Variants in KCNB2 observed in about 807,000 individuals in gnomAD.
The protein encoded by KCNB2 is delayed rectifier potassium channel protein.
In KCNB2, 15 loss-of-function variants were observed where a neutral mutation model predicts 61.5. The observed-to-expected ratio is 0.24, with a 90% CI of 0.16 to 0.38. KCNB2 has a LOEUF of 0.38. Among genes scored for constraint, KCNB2 ranks in the 10% least tolerant of loss-of-function variants. KCNB2 has a pLI of 1.00. For synonymous variants in KCNB2, 457 were observed against 446.0 expected (o/e 1.02, Z -0.31); for missense variants, 828 against 1,125.2 (o/e 0.74, Z 3.78).
chr8:72,560,782 CAATATT>C (rs1428371539), intron 1 of KCNB2, among the ~76,000 whole-genome samples: 3 of 152,004 alleles, frequency 2.0e-5, no homozygotes, highest in African/African-American at 7.3e-5. Flanking sequence ...CTTTATAATT[CAATATT>C]ATATTTTTCA....
chr8:72,721,974 C>T (rs932410398), intron 2 of KCNB2, among the ~76,000 whole-genome samples: 1 of 152,192 alleles, frequency 6.6e-6, no homozygotes, highest in Non-Finnish European at 1.5e-5. Flanking sequence ...AGAGTCCGTG[C>T]TTGATCCATT....
chr8:72,627,019 A>T (rs555704368), intron 2 of KCNB2, among the ~76,000 whole-genome samples: 40 of 152,322 alleles, frequency 2.6e-4, no homozygotes, highest in African/African-American at 8.9e-4. Flanking sequence ...GTTAATATTT[A>T]TCAAATATTT....
intron 2 of KCNB2, among the ~76,000 whole-genome samples, chr8:72,614,763 C>T (rs1387314): frequency 0.21 from 32,359 of 152,084 alleles, 3,989 homozygotes; most frequent in East Asian, 0.51. Context: ...TCTTATTTCA[C>T]TTCTTAAATA....
chr8:72,704,377 C>A (rs1012281904), intron 2 of KCNB2, among the ~76,000 whole-genome samples: 1 of 152,014 alleles, frequency 6.6e-6, no homozygotes, highest in Non-Finnish European at 1.5e-5. Flanking sequence ...AAGTAACTTG[C>A]CCAAAATCAA....
chr8:72,794,523 C>T (rs1808997027), intron 2 of KCNB2, among the ~76,000 whole-genome samples: 1 of 147,126 alleles, frequency 6.8e-6, no homozygotes. Flanking sequence ...TGAGATCGCG[C>T]CACTGCACTC....
chr8:72,593,446 G>GACA (rs1807132156), intron 2 of KCNB2, among the ~76,000 whole-genome samples: 1 of 152,166 alleles, frequency 6.6e-6, no homozygotes, highest in Non-Finnish European at 1.5e-5. Context: ...AGAGAAAAGT[G>GACA]ACAATTCAGT....
At chr8:72,929,997 T>C (rs1806744600) in intron 2 of KCNB2, among the ~76,000 whole-genome samples, 1 of 135,862 alleles carries the variant, frequency 7.4e-6, no homozygotes, top group Non-Finnish European at 1.5e-5. Context: ...CCCCTTCCTG[T>C]GTCCCTGTGT....
intron 2 of KCNB2, among the ~76,000 whole-genome samples, chr8:72,756,786 T>A (rs1327354695): frequency 2.0e-5 from 3 of 152,128 alleles, no homozygotes; most frequent in African/African-American, 7.2e-5. Flanking sequence ...TGAGTGATCA[T>A]GAAAGGTGGG....
At chr8:72,670,963 A>G (rs553718305) in intron 2 of KCNB2, among the ~76,000 whole-genome samples, 1 of 152,314 alleles carries the variant, frequency 6.6e-6, no homozygotes, top group South Asian at 2.1e-4. Flanking sequence ...TCTCCTTTAA[A>G]TTCATCTGTT....
chr8:72,802,425 C>T (rs1809148034), intron 2 of KCNB2, among the ~76,000 whole-genome samples: 1 of 152,140 alleles, frequency 6.6e-6, no homozygotes, highest in African/African-American at 2.4e-5. Context: ...TAGATATACA[C>T]TCAAAAGTAT....
In KCNB2 at chr8:72,936,866, C is replaced by G. The variant is rs1469575222; in HGVS notation, c.1511C>G (p.Ser504Cys). Residue 504 changes from serine to cysteine, a missense_variant, in exon 3 of 3, where the codon TCC becomes TGC. By Grantham distance (112) the Ser-to-Cys change is moderately radical. Around this residue, in one of 4 missense-constraint regions of KCNB2, gnomAD observed 559 missense variants for 588.4 expected, o/e 0.95. Transcript: ENST00000523207. The surrounding 1 kb of genome is among the most constrained non-coding windows in gnomAD (Gnocchi z 5.6). ...AGGAAGGCTCTGTCGGAAACAAGCT[C>G]CAACAAGTCTTTCGAGAATAAGTAC... ...WARKALSETS[S>C]NKSFENKYQE... 6.2e-7 allele frequency: 1 copy of G among 1,614,080 alleles called. No homozygotes were observed. Among genetic ancestry groups the G allele is most frequent in the East Asian group, 2.2e-5 (1 of 44,870 alleles).
At chr8:72,776,145 G>A (rs918908570) in intron 2 of KCNB2, among the ~76,000 whole-genome samples, 2 of 150,916 alleles carry the variant, frequency 1.3e-5, no homozygotes, top group African/African-American at 2.4e-5. Flanking sequence ...GCAAACTATC[G>A]CAGGGACAAA....
chr8:72,664,986 G>A (rs1806443523), intron 2 of KCNB2, among the ~76,000 whole-genome samples: 1 of 152,134 alleles, frequency 6.6e-6, no homozygotes, highest in Non-Finnish European at 1.5e-5. Context: ...AGACTGCAGT[G>A]CTGAGAGCCA....
chr8:72,815,231 G>A (rs888528953), intron 2 of KCNB2, among the ~76,000 whole-genome samples: 1 of 152,086 alleles, frequency 6.6e-6, no homozygotes, highest in Non-Finnish European at 1.5e-5. Context: ...GTAAAACAGA[G>A]AAGTGGGAAT....
At position 72,936,483 on chromosome 8, in the gene KCNB2, C is replaced by T; in HGVS notation, c.1128C>T (p.Thr376=). The T allele has an allele frequency of 6.2e-7, 1 of 1,614,166 alleles. No individual in the cohort carries two copies. The highest frequency in any genetic ancestry group is 8.5e-7 in the Non-Finnish European group (1 of 1,180,014). ...TSIPASFWWA[T]ITMTTVGYGD... ...TCCCTGCATCATTTTGGTGGGCCAC[C>T]ATCACCATGACCACTGTTGGCTATG... Residue 376 remains threonine, a synonymous_variant, in exon 3 of 3, where the codon ACC becomes ACT. Coordinates refer to ENST00000523207, the MANE Select transcript of KCNB2 (RefSeq NM_004770.3). This position sits in a 1 kb window ranked among gnomAD's most constrained non-coding sequence, Gnocchi z 5.6.
chr8:72,567,334 A>G (rs957340186), intron 1 of KCNB2, among the ~76,000 whole-genome samples: 46 of 152,234 alleles, frequency 3.0e-4, no homozygotes, highest in African/African-American at 8.9e-4. Context: ...GATCAAGCAC[A>G]TGGATCTTTT....
Position 72,539,716 on chromosome 8 carries a change from A to G in KCNB2, c.-94+1831A>G, listed in dbSNP as rs539842490. 1.8e-4 allele frequency among the ~76,000 whole-genome samples: 27 copies of G among 152,282 alleles called. No individual in the cohort carries two copies. In the South Asian group the frequency reaches 3.9e-3, roughly 22 times the overall value. ...TCTTTTCTTTTCTTCTGTTTTTCCA[A>G]ATAGAATCAATCCATGCATCCGTTG... On this transcript the variant is annotated intron_variant, in intron 1 of 2. Transcript: ENST00000523207.
At chr8:72,893,337 T>C (rs964849574) in intron 2 of KCNB2, among the ~76,000 whole-genome samples, 12 of 152,228 alleles carry the variant, frequency 7.9e-5, no homozygotes, top group African/African-American at 2.7e-4. Context: ...TATTTTTGAT[T>C]TGTTCTTTCC....
intron 2 of KCNB2, among the ~76,000 whole-genome samples, chr8:72,803,246 C>T (rs536814143): frequency 1.3e-5 from 2 of 152,296 alleles, no homozygotes; most frequent in South Asian, 4.1e-4. Context: ...CCAGCCAACT[C>T]CCTGTCCTCT....
Sources: allele counts gnomAD v4.1 joint callset (sites outside exome capture counted in the v4.1 genomes callset), GRCh38; gene constraint gnomAD v4.1.1; regional missense constraint gnomAD v4.1.1; non-coding constraint Gnocchi (gnomAD v3.1); transcripts MANE v1.5; gene names NCBI Gene and HGNC (gene_info 2026-07-23, HGNC 2026-07-21).